The following IFFO2 variants were observed in gnomAD, a reference collection of about 807,000 sequenced individuals.
IFFO2 encodes intermediate filament family orphan 2.
IFFO2 carries 19 observed loss-of-function variants against 53.5 expected under a neutral mutation model. That is an observed-to-expected ratio of 0.36 (90% CI 0.25 to 0.52). IFFO2 has a LOEUF of 0.52. Ranked by LOEUF, IFFO2 falls within the 20% of genes least tolerant of loss-of-function variation. IFFO2 has a pLI of 0.94. For missense variants in IFFO2, 570 were observed against 727.4 expected, an observed-to-expected ratio of 0.78 and a Z score of 2.49; for synonymous variants, 303 against 313.6, an observed-to-expected ratio of 0.97 and a Z score of 0.36.
intron 1 of IFFO2, among the ~76,000 whole-genome samples, chr1:18,952,939 G>A (rs969654975): frequency 1.4e-4 from 21 of 152,362 alleles, no homozygotes; most frequent in African/African-American, 5.1e-4. Flanking sequence ...TCATGGAGGT[G>A]GAACTCAACA....
rs1936151440 is a variant in IFFO2 at position 18,917,565 on chromosome 1, G to A, written c.964-523C>T. The stretch of plus-strand genomic sequence containing the variant: ...GGCCTCCCCTGCTTCCCGGCAGAGG[G>A]ACAGCAAGAAGGCATGGAGGTGGAG... On this transcript the variant is annotated intron_variant, in intron 4 of 8. Coordinates refer to ENST00000455833, the MANE Select transcript of IFFO2 (RefSeq NM_001136265.2). The surrounding 1 kb of genome is among the most constrained non-coding windows in gnomAD (Gnocchi z 5.9). Among the ~76,000 whole-genome samples the A allele has an allele frequency of 1.3e-5, 2 of 152,210 alleles. No individual in the cohort carries two copies. Among genetic ancestry groups the A allele is most frequent in the African/African-American group, 4.8e-5 (2 of 41,442 alleles).
At chr1:18,932,380 G>A (rs1038843150) in intron 1 of IFFO2, among the ~76,000 whole-genome samples, 3 of 152,166 alleles carry the variant, frequency 2.0e-5, no homozygotes, top group Admixed American at 2.0e-4. Flanking sequence ...GTGGGGTTGC[G>A]GGGAGGCTGC....
At position 18,925,790 on chromosome 1, in the gene IFFO2, G is replaced by C. The variant is rs377414484; in HGVS notation, c.666-4669C>G. Reference sequence around the variant, plus strand: ...GATGGATGGATGGATGGATTGGTTGGATGGATGGATGGATTGGTTGGATGG... The same window carrying C: ...GATGGATGGATGGATGGATTGGTTGCATGGATGGATGGATTGGTTGGATGG... On this transcript the variant is annotated intron_variant, in intron 1 of 8. Coordinates refer to ENST00000455833, the MANE Select transcript of IFFO2 (RefSeq NM_001136265.2). Among the ~76,000 whole-genome samples the C allele has an allele frequency of 4.7e-4, 67 of 142,452 alleles. 2 individuals carry two copies. The East Asian group carries it at 0.013, about 28-fold the overall frequency. 93.5% of individuals were successfully genotyped at this position (142,452 alleles called of 152,430 possible). A position where few individuals can be genotyped will look rare whatever the true frequency, so the allele number is the denominator to read the frequency against.
rs753943445 is a variant in IFFO2 at position 18,911,978 on chromosome 1, G to T, written c.1209C>A (p.Ile403=). 6.4e-7 allele frequency: 1 copy of T among 1,551,580 alleles called. No individual in the cohort carries two copies. Among genetic ancestry groups the T allele is most frequent in the Admixed American group, 2.0e-5 (1 of 50,998 alleles). The stretch of plus-strand genomic sequence containing the variant: ...CTGGGCTTACCTCGCCCTGCAGGTC[G>T]ATGGTCGGATTGCAGTTGGTGAAAT... ...WEDFTNCNPT[I]DLQGEQEENL... Residue 403 remains isoleucine (I), a synonymous_variant, in exon 6 of 9, where the codon ATC becomes ATA. Transcript: ENST00000455833.
intron 1 of IFFO2, among the ~76,000 whole-genome samples, chr1:18,937,889 C>T (rs1936470043): frequency 6.6e-6 from 1 of 152,252 alleles, no homozygotes; most frequent in Non-Finnish European, 1.5e-5. Flanking sequence ...TCACTAGCCC[C>T]AGCTATGCAA....
At chr1:18,924,145 G>A (rs972667272) in intron 1 of IFFO2, among the ~76,000 whole-genome samples, 2 of 152,194 alleles carry the variant, frequency 1.3e-5, no homozygotes, top group African/African-American at 2.4e-5. Flanking sequence ...AGAAAACCTG[G>A]CTCCGCCAGC....
rs1430859223 is a variant in IFFO2 at position 18,947,771 on chromosome 1, T to C, written c.665+7897A>G. Among the ~76,000 whole-genome samples, 1 of 152,232 alleles carries C rather than the reference T, an allele frequency of 6.6e-6. No individual in the cohort carries two copies. Among genetic ancestry groups the C allele is most frequent in the East Asian group, 1.9e-4 (1 of 5,204 alleles). Reference sequence around the variant, plus strand: ...CTACTGCCAGTGATTCATTTGCTTCTCAAGAAATAATTTCTGTAAAGTGAC... The same window carrying C: ...CTACTGCCAGTGATTCATTTGCTTCCCAAGAAATAATTTCTGTAAAGTGAC... On this transcript the variant is annotated intron_variant, in intron 1 of 8. Coordinates refer to ENST00000455833, the MANE Select transcript of IFFO2 (RefSeq NM_001136265.2). The surrounding 1 kb of genome is among the most constrained non-coding windows in gnomAD (Gnocchi z 5.0).
chr1:18,911,470 C>T lies in IFFO2; in HGVS notation c.1231G>A (p.Glu411Lys). Residue 411 changes from glutamate to lysine, a missense_variant, in exon 7 of 9, where the codon GAA (glutamate) becomes AAA (lysine). By Grantham distance (56) the Glu-to-Lys change is moderately conservative. Transcript: ENST00000455833. ...PTIDLQGEQEENLGNLIHETE... is the reference protein window; with the variant it reads ...PTIDLQGEQEKNLGNLIHETE... ...TCATGGATCAAGTTGCCCAAGTTTT[C>T]CTCTTGCTGGGGAAATAGAACAAAC... The T allele has an allele frequency of 1.3e-6, 2 of 1,498,180 alleles. No individual in the cohort carries two copies. Among genetic ancestry groups the T allele is most frequent in the Non-Finnish European group, 1.8e-6 (2 of 1,120,884 alleles). The allele number at this position is 1,498,180 out of a possible 1,614,324, so 92.8% of individuals were successfully genotyped here.
chr1:18,956,171 G>A lies in IFFO2; in HGVS notation c.162C>T (p.Ile54=), dbSNP rs1262552761. ...AALRDDLGSN[I]HLLKGLNVRF... Reference sequence around the variant, plus strand: ...GCACGTTGAGCCCCTTCAAGAGGTGGATGTTGGAGCCCAGGTCGTCCCGCA... The same window carrying A: ...GCACGTTGAGCCCCTTCAAGAGGTGAATGTTGGAGCCCAGGTCGTCCCGCA... Residue 54 remains isoleucine, a synonymous_variant, in exon 1 of 9, where the codon ATC becomes ATT. Coordinates refer to ENST00000455833, the MANE Select transcript of IFFO2 (RefSeq NM_001136265.2). The surrounding 1 kb of genome is among the most constrained non-coding windows in gnomAD (Gnocchi z 6.4). The A allele has an allele frequency of 1.0e-5, 15 of 1,475,710 alleles. No individual in the cohort carries two copies. The highest frequency in any genetic ancestry group is 1.4e-5 in the Non-Finnish European group (15 of 1,102,192). 91.4% of individuals were successfully genotyped at this position (1,475,710 alleles called of 1,614,324 possible). A position where few individuals can be genotyped will look rare whatever the true frequency, so the allele number is the denominator to read the frequency against.
chr1:18,927,195 G>A (rs181780580), intron 1 of IFFO2, among the ~76,000 whole-genome samples: 9 of 152,318 alleles, frequency 5.9e-5, no homozygotes, highest in East Asian at 5.8e-4. Context: ...GCAGCTCCAC[G>A]TCAACGGCAC....
intron 1 of IFFO2, among the ~76,000 whole-genome samples, chr1:18,941,284 C>A (rs1936517187): frequency 6.6e-6 from 1 of 152,244 alleles, no homozygotes; most frequent in Non-Finnish European, 1.5e-5. Flanking sequence ...TGAGCGCAAG[C>A]CAAGCCTCCC....
At chr1:18,933,235 G>A (rs4912079) in intron 1 of IFFO2, among the ~76,000 whole-genome samples, 81,564 of 152,138 alleles carry the variant, frequency 0.54, 24,680 homozygotes, top group African/African-American at 0.82. Context: ...CTGGGCACTG[G>A]CTGCCTTGTG....
intron 1 of IFFO2, among the ~76,000 whole-genome samples, chr1:18,931,150 T>A (rs1043871241): frequency 2.0e-5 from 3 of 152,148 alleles, no homozygotes; most frequent in African/African-American, 7.2e-5. Flanking sequence ...CCATCCTGGG[T>A]GACAGAGTGT....
intron 8 of IFFO2, 42 bp from the exon 9 acceptor site, chr1:18,908,708 T>G (rs758426118): frequency 7.0e-7 from 1 of 1,435,490 alleles, no homozygotes; most frequent in South Asian, 1.2e-5. Flanking sequence ...AGAGCAGCCC[T>G]GGGCCTCTGA....
rs1290041506 is a variant in IFFO2 at position 18,912,058 on chromosome 1, C to T, written c.1129G>A (p.Asp377Asn). Reference sequence around the variant, plus strand: ...TCTTCCCACGTCAGGCTGTCACAGTCGTCGTCAAAGTCAAAGGTCTCCCGC... The same window carrying T: ...TCTTCCCACGTCAGGCTGTCACAGTTGTCGTCAAAGTCAAAGGTCTCCCGC... ...QLRETFDFDD[D>N]CDSLTWEENE... The change falls in exon 6 of 9, where the codon GAC (aspartate) becomes AAC (asparagine). Residue 377 changes from aspartate (D) to asparagine (N), a missense_variant. Asp to Asn is a conservative substitution (Grantham distance 23). Coordinates refer to ENST00000455833, the MANE Select transcript of IFFO2 (RefSeq NM_001136265.2). 1.3e-6 allele frequency: 2 copies of T among 1,551,690 alleles called. No homozygotes were observed. The highest frequency in any genetic ancestry group is 8.7e-7 in the Non-Finnish European group (1 of 1,146,946).
chr1:18,933,029 C>T (rs935867155), intron 1 of IFFO2, among the ~76,000 whole-genome samples: 4 of 152,228 alleles, frequency 2.6e-5, no homozygotes, highest in African/African-American at 4.8e-5. Flanking sequence ...TCATCTTCTT[C>T]CCCCAGGACA....
At position 18,911,391 on chromosome 1, in the gene IFFO2, T is replaced by C. The variant is rs1325120352; in HGVS notation, c.1310A>G (p.Gln437Arg). The C allele has an allele frequency of 6.6e-7, 1 of 1,510,920 alleles. No individual in the cohort carries two copies. 93.6% of individuals were successfully genotyped at this position (1,510,920 alleles called of 1,614,324 possible). Residue 437 changes from glutamine (Q) to arginine (R), a missense_variant, in exon 7 of 9, where the codon CAG becomes CGG. By Grantham distance (43) the Gln-to-Arg change is conservative. Coordinates refer to ENST00000455833, the MANE Select transcript of IFFO2 (RefSeq NM_001136265.2). ...CACGTCCCGAGCCCTCACCTCGATC[T>C]GACCTATCGTTTCCTGGTACTCCTT... ...RDKEYQETIG[Q>R]IELELATAKS... is the part of the protein sequence containing the mutation.
At position 18,956,085 on chromosome 1, in the gene IFFO2, T is replaced by C; in HGVS notation, c.248A>G (p.Lys83Arg). 1.3e-6 allele frequency: 2 copies of C among 1,501,296 alleles called. No homozygotes were observed. The highest frequency in any genetic ancestry group is 5.3e-5 in the East Asian group (2 of 37,612). The allele number at this position is 1,501,296 out of a possible 1,614,324, so 93.0% of individuals were successfully genotyped here. ...CTCGCTCTGCTGCTGCTCCAGCTGCTTCTCCAGCAGCCGGTTGCGCCGCTC... is the reference window on the plus strand; with the variant it reads ...CTCGCTCTGCTGCTGCTCCAGCTGCCTCTCCAGCAGCCGGTTGCGCCGCTC... ...ELERRNRLLE[K>R]QLEQQQSERE... is the part of the protein sequence containing the mutation. Residue 83 changes from lysine to arginine, a missense_variant, in exon 1 of 9, where the codon AAG becomes AGG. Transcript: ENST00000455833. The surrounding 1 kb of genome is among the most constrained non-coding windows in gnomAD (Gnocchi z 6.4).
chr1:18,949,305 C>G (rs561268609), intron 1 of IFFO2, among the ~76,000 whole-genome samples: 28 of 152,370 alleles, frequency 1.8e-4, no homozygotes, highest in African/African-American at 6.5e-4. Flanking sequence ...GAGCCGGCCC[C>G]CACAGAGCTT....
Sources: allele counts gnomAD v4.1 joint callset (sites outside exome capture counted in the v4.1 genomes callset), GRCh38; gene constraint gnomAD v4.1.1; non-coding constraint Gnocchi (gnomAD v3.1); transcripts MANE v1.5; gene names NCBI Gene and HGNC (gene_info 2026-07-23, HGNC 2026-07-21).